Variants in LRRC49 observed in about 807,000 individuals in gnomAD.
The protein encoded by LRRC49 is leucine-rich repeat-containing protein 49.
In LRRC49, 50 loss-of-function variants were observed where a neutral mutation model predicts 83.3. That is an observed-to-expected ratio of 0.60 (90% CI 0.48 to 0.76). The LOEUF (loss-of-function observed/expected upper bound fraction) is 0.76, where lower values mean the gene tolerates loss of function less well. LRRC49 is among the 30% of genes least tolerant of loss of function. LRRC49 has a pLI of 0.00. For missense variants in LRRC49, 704 were observed against 809.1 expected, an observed-to-expected ratio of 0.87 and a Z score of 1.58; for synonymous variants, 286 against 283.3, an observed-to-expected ratio of 1.01 and a Z score of -0.10.
intron 8 of LRRC49, among the ~76,000 whole-genome samples, chr15:70,945,519 C>CTGTG (rs749607668): frequency 0.063 from 8,494 of 135,748 alleles, 292 homozygotes; most frequent in East Asian, 0.11. Context: ...ATTTAACAAC[C>CTGTG]TGTGTGTGTG....
intron 1 of LRRC49, among the ~76,000 whole-genome samples, chr15:70,869,231 A>G (rs913940748): frequency 1.3e-5 from 2 of 152,230 alleles, no homozygotes; most frequent in Non-Finnish European, 2.9e-5. Context: ...TACAAACAGC[A>G]TATCAACTAA....
At chr15:70,874,515 G>A (rs185062439) in intron 2 of LRRC49, among the ~76,000 whole-genome samples, 76 of 152,278 alleles carry the variant, frequency 5.0e-4, no homozygotes, top group African/African-American at 1.7e-3. Flanking sequence ...GTGGAAGAAG[G>A]TTGACAGTCT....
intron 14 of LRRC49, among the ~76,000 whole-genome samples, chr15:71,020,380 C>T (rs542124436): frequency 1.7e-4 from 26 of 152,228 alleles, no homozygotes; most frequent in African/African-American, 5.1e-4. Context: ...CTAAAAGACA[C>T]AATGGAGAGC....
rs955008963 is a variant in LRRC49, at chr15:70,952,723, G to T, written c.774-11062G>T. On this transcript the variant is annotated intron_variant, in intron 8 of 15. Coordinates refer to ENST00000260382, the MANE Select transcript of LRRC49 (RefSeq NM_017691.5). The stretch of plus-strand genomic sequence containing the variant: ...CTTGATGATCTGTCTAATGCTATTA[G>T]TGGGGGTTGAAGTCCTGAGTATTAT... Among the ~76,000 whole-genome samples, 7 of 152,292 alleles carry T rather than the reference G, an allele frequency of 4.6e-5. No homozygotes were observed. In the South Asian group the frequency reaches 1.5e-3, roughly 32 times the overall value.
At chr15:70,895,084 A>C (rs985191620) in intron 2 of LRRC49, among the ~76,000 whole-genome samples, 1 of 152,156 alleles carries the variant, frequency 6.6e-6, no homozygotes, top group Admixed American at 6.5e-5. Context: ...AAATACCTTT[A>C]GGTCATATAA....
At chr15:70,968,801 T>C (rs1213086954) in intron 9 of LRRC49, among the ~76,000 whole-genome samples, 1 of 152,260 alleles carries the variant, frequency 6.6e-6, no homozygotes, top group Non-Finnish European at 1.5e-5. Flanking sequence ...TGTCTGTTCA[T>C]ATCCTTCCCC....
chr15:70,882,189 T>C (rs1411590338), intron 2 of LRRC49: 2 of 341,096 alleles, frequency 5.9e-6, no homozygotes, highest in Non-Finnish European at 1.1e-5. Flanking sequence ...GTTGCTGATA[T>C]TGTGGTTTTG....
At chr15:70,959,251 G>T (rs561296490) in intron 8 of LRRC49, among the ~76,000 whole-genome samples, 1 of 152,282 alleles carries the variant, frequency 6.6e-6, no homozygotes, top group African/African-American at 2.4e-5. Context: ...CCAGCACTCT[G>T]GGAGGCCGAG....
At chr15:70,896,700 C>G (rs1399062822) in intron 3 of LRRC49, among the ~76,000 whole-genome samples, 1 of 152,154 alleles carries the variant, frequency 6.6e-6, no homozygotes. Flanking sequence ...CTGCCTCTAC[C>G]TCTTAGGAGT....
At chr15:70,972,232 T>A (rs2037031624) in intron 9 of LRRC49, among the ~76,000 whole-genome samples, 1 of 152,216 alleles carries the variant, frequency 6.6e-6, no homozygotes, top group African/African-American at 2.4e-5. Context: ...TTATTTCTCC[T>A]TCACTTATGA....
At chr15:70,985,883 G>A (rs1307305707) in intron 11 of LRRC49, among the ~76,000 whole-genome samples, 4 of 144,930 alleles carry the variant, frequency 2.8e-5, no homozygotes, top group African/African-American at 1.0e-4. Flanking sequence ...TTATTAAATA[G>A]GGAATCCTTT....
intron 15 of LRRC49, among the ~76,000 whole-genome samples, chr15:71,042,750 C>T (rs1488023365): frequency 1.3e-5 from 2 of 152,158 alleles, no homozygotes; most frequent in African/African-American, 4.8e-5. Context: ...TCCATCTATT[C>T]TCCTGACTCA....
chr15:70,946,093 A>G (rs917449236), intron 8 of LRRC49, among the ~76,000 whole-genome samples: 1 of 152,182 alleles, frequency 6.6e-6, no homozygotes, highest in Non-Finnish European at 1.5e-5. Flanking sequence ...AATAACATTT[A>G]ATGTCTTATT....
At chr15:70,975,796 CAA>C (rs540783742) in intron 9 of LRRC49, among the ~76,000 whole-genome samples, 2 of 142,634 alleles carry the variant, frequency 1.4e-5, no homozygotes, top group African/African-American at 2.6e-5. Context: ...ATTTGCTCTC[CAA>C]AAAAAAAAAG....
chr15:70,893,049 T>A (rs2033656399), intron 1 of LRRC49, 107 bp downstream of exon 1: 1 of 1,265,932 alleles, frequency 7.9e-7, no homozygotes, highest in East Asian at 2.3e-5. Flanking sequence ...CCGCTGGGTC[T>A]ACTCAAGCTA....
chr15:70,862,886 TG>T (rs1185777084), intron 1 of LRRC49, among the ~76,000 whole-genome samples: 1 of 152,124 alleles, frequency 6.6e-6, no homozygotes, highest in African/African-American at 2.4e-5. Flanking sequence ...GCATTTCTCA[TG>T]TGCACTATTT....
intron 8 of LRRC49, among the ~76,000 whole-genome samples, chr15:70,952,098 A>G (rs2036236676): frequency 1.3e-5 from 2 of 152,112 alleles, no homozygotes; most frequent in African/African-American, 4.8e-5. Flanking sequence ...CCAACTTTGC[A>G]TCCCAGGAAT....
At chr15:70,947,498 A>T (rs1386386592) in intron 8 of LRRC49, among the ~76,000 whole-genome samples, 2 of 152,178 alleles carry the variant, frequency 1.3e-5, no homozygotes, top group Non-Finnish European at 2.9e-5. Context: ...TGAAAAAAAA[A>T]CCTTGCAGCT....
intron 7 of LRRC49, chr15:70,936,478 A>G (rs2035601318): frequency 3.2e-6 from 1 of 314,032 alleles, no homozygotes; most frequent in Non-Finnish European, 5.8e-6. Context: ...GCATTTTGGC[A>G]TCTTTCCCAA....
Sources: allele counts gnomAD v4.1 joint callset (sites outside exome capture counted in the v4.1 genomes callset), GRCh38; gene constraint gnomAD v4.1.1; transcripts MANE v1.5; gene names NCBI Gene and HGNC (gene_info 2026-07-23, HGNC 2026-07-21).